The following ELAPOR1 variants were observed in gnomAD, a reference collection of about 807,000 sequenced individuals.
ELAPOR1 encodes the protein endosome/lysosome-associated apoptosis and autophagy regulator 1.
ELAPOR1 carries 77 observed loss-of-function variants against 119.7 expected under a neutral mutation model. That is an observed-to-expected ratio of 0.64 (90% CI 0.54 to 0.78). The LOEUF is 0.78. Ranked by LOEUF, ELAPOR1 falls within the 30% of genes least tolerant of loss-of-function variation. The pLI is 0.00. For missense variants in ELAPOR1, 1,115 were observed against 1,270.4 expected, an observed-to-expected ratio of 0.88 and a Z score of 1.86; for synonymous variants, 481 against 487.2, an observed-to-expected ratio of 0.99 and a Z score of 0.17.
At chr1:109,133,409 G>C (rs558990996) in intron 1 of ELAPOR1, among the ~76,000 whole-genome samples, 3 of 152,146 alleles carry the variant, frequency 2.0e-5, no homozygotes, top group South Asian at 4.2e-4. Flanking sequence ...AAAAAACATG[G>C]GAAAATCATT....
intron 1 of ELAPOR1, among the ~76,000 whole-genome samples, chr1:109,148,905 A>G (rs1351917403): frequency 6.6e-6 from 1 of 152,192 alleles, no homozygotes; most frequent in Non-Finnish European, 1.5e-5. Context: ...TGGAATTTAT[A>G]AAGGGACATT....
Position 109,172,586 on chromosome 1 carries a change from C to A in ELAPOR1, c.696+18C>A. 4 of 1,594,752 alleles carry A rather than the reference C, an allele frequency of 2.5e-6. No homozygotes were observed. The highest frequency in any genetic ancestry group is 3.4e-6 in the Non-Finnish European group (4 of 1,163,232). Reference sequence around the variant, plus strand: ...TCCACAGTGTGAGTATCACACCAGCCTTCTCCCAGAGATCCCAGAAAAGGG... The same window carrying A: ...TCCACAGTGTGAGTATCACACCAGCATTCTCCCAGAGATCCCAGAAAAGGG... On this transcript the variant is annotated intron_variant, in intron 5 of 21. Transcript: ENST00000369939.
intron 15 of ELAPOR1, 41 bp downstream of exon 15, chr1:109,194,635 A>C (rs767667846): frequency 6.3e-7 from 1 of 1,579,282 alleles, no homozygotes; most frequent in Non-Finnish European, 8.7e-7. Flanking sequence ...TGAATGGGGG[A>C]GGCCCATGGA....
chr1:109,164,458 GTGACCTCAC>G, intron 2 of ELAPOR1, 32 bp from the exon 3 acceptor site: 1 of 1,565,118 alleles, frequency 6.4e-7, no homozygotes, highest in Non-Finnish European at 8.7e-7. Context: ...TGGGGCTGCA[GTGACCTCAC>G]TGCCCCACCT....
intron 7 of ELAPOR1, among the ~76,000 whole-genome samples, chr1:109,176,213 G>A (rs760278101): frequency 1.1e-4 from 17 of 152,224 alleles, no homozygotes; most frequent in African/African-American, 3.4e-4. Flanking sequence ...AGGGGGTATC[G>A]AGGCTCTGAT....
chr1:109,172,712 C>G (rs1355555811), intron 5 of ELAPOR1, 144 bp downstream of exon 5: 2 of 652,204 alleles, frequency 3.1e-6, no homozygotes, highest in Non-Finnish European at 5.5e-6. Flanking sequence ...GCTGTAGTTA[C>G]TGTCCTCTAG....
Position 109,200,145 on chromosome 1 carries a change from A to G in ELAPOR1, c.2715A>G (p.Ile905Met), listed in dbSNP as rs753334186. The G allele has an allele frequency of 6.2e-7, 1 of 1,614,176 alleles. No homozygotes were observed. The highest frequency in any genetic ancestry group is 1.1e-5 in the South Asian group (1 of 91,082). ...PEQRVTICKT[I>M]DFWLKVGISA... is the part of the protein sequence containing the mutation. ...AGAGAGTCACCATCTGCAAAACCAT[A>G]GATTTCTGGCTGAAAGTGGGCATCT... The change falls in exon 20 of 22, where the codon ATA becomes ATG. Residue 905 changes from isoleucine to methionine, a missense_variant. Coordinates refer to ENST00000369939, the MANE Select transcript of ELAPOR1 (RefSeq NM_020775.5).
chr1:109,114,358 A>T, intron 1 of ELAPOR1, 22 bp downstream of exon 1: 1 of 1,554,836 alleles, frequency 6.4e-7, no homozygotes, highest in South Asian at 1.2e-5. Flanking sequence ...CCCCTACCCG[A>T]TCCCGCTTTG....
At chr1:109,171,072 G>A (rs774980703) in intron 3 of ELAPOR1, among the ~76,000 whole-genome samples, 3 of 152,150 alleles carry the variant, frequency 2.0e-5, no homozygotes, top group Admixed American at 6.5e-5. Flanking sequence ...CAGCTTTAGA[G>A]TTTGGCAGAC....
At chr1:109,117,933 C>G (rs1167274811) in intron 1 of ELAPOR1, among the ~76,000 whole-genome samples, 2 of 152,014 alleles carry the variant, frequency 1.3e-5, no homozygotes, top group African/African-American at 4.8e-5. Flanking sequence ...AGTTCAAAAC[C>G]AGCCTGGCCA....
chr1:109,189,220 G>A (rs767202170), intron 10 of ELAPOR1, 26 bp downstream of exon 10: 131 of 1,608,790 alleles, frequency 8.1e-5, no homozygotes, highest in Admixed American at 8.4e-5. Flanking sequence ...TGTGCCATGA[G>A]CTGTCAGCTC....
chr1:109,155,342 AT>A (rs1246045275), intron 1 of ELAPOR1, among the ~76,000 whole-genome samples: 1 of 151,750 alleles, frequency 6.6e-6, no homozygotes, highest in African/African-American at 2.4e-5. Flanking sequence ...CGCCCGGCTA[AT>A]TTTTTTCTGT....
chr1:109,165,833 C>G (rs1023094350), intron 3 of ELAPOR1, among the ~76,000 whole-genome samples: 18 of 151,436 alleles, frequency 1.2e-4, no homozygotes, highest in African/African-American at 4.4e-4. Flanking sequence ...CAAGCCCCAG[C>G]TCCCAGGTTC....
At chr1:109,190,709 C>T (rs1457556596) in intron 11 of ELAPOR1, among the ~76,000 whole-genome samples, 2 of 152,104 alleles carry the variant, frequency 1.3e-5, no homozygotes, top group African/African-American at 2.4e-5. Flanking sequence ...CAAATCTGAT[C>T]GTCATAGTAA....
Position 109,194,600 on chromosome 1 carries a change from G to GT in ELAPOR1, c.2121+7dup. 2 of 1,613,052 alleles carry GT rather than the reference G, an allele frequency of 1.2e-6. No homozygotes were observed. The highest frequency in any genetic ancestry group is 1.7e-6 in the Non-Finnish European group (2 of 1,179,018). ...TCAGTCTCTGTGGAAACCAGGTAAGGTATACCAGTTGACAGGGTGAAAATT... is the reference window on the plus strand; with the variant it reads ...TCAGTCTCTGTGGAAACCAGGTAAGGTTATACCAGTTGACAGGGTGAAAATT... On this transcript the variant is annotated splice_region_variant and intron_variant, in intron 15 of 21. Transcript: ENST00000369939.
intron 1 of ELAPOR1, among the ~76,000 whole-genome samples, chr1:109,132,888 G>A (rs755360471): frequency 3.0e-4 from 46 of 152,204 alleles, no homozygotes; most frequent in African/African-American, 7.7e-4. Context: ...AAATACCTCC[G>A]TCAAAATAGT....
chr1:109,205,920 TATTACAC>T lies in ELAPOR1; in HGVS notation c.*2910_*2916del, dbSNP rs991093373. 6.6e-6 allele frequency: 1 copy of T among 152,234 alleles called. No individual in the cohort carries two copies. The highest frequency in any genetic ancestry group is 1.5e-5 in the Non-Finnish European group (1 of 68,046). 9.4% of individuals were successfully genotyped at this position (152,234 alleles called of 1,614,324 possible). On this transcript the variant is annotated 3_prime_UTR_variant, in exon 22 of 22. Transcript: ENST00000369939. ...CAGCTTTATTGAGATATAATTCACA[TATTACAC>T]AATTCACCTTTAAAACATACGATTC...
intron 1 of ELAPOR1, among the ~76,000 whole-genome samples, chr1:109,159,142 C>T (rs1055843680): frequency 1.3e-5 from 2 of 152,176 alleles, no homozygotes; most frequent in African/African-American, 2.4e-5. Context: ...GATCCACCCA[C>T]CTTGGCCTCC....
intron 2 of ELAPOR1, among the ~76,000 whole-genome samples, chr1:109,162,547 C>T (rs1185338885): frequency 6.6e-6 from 1 of 152,178 alleles, no homozygotes; most frequent in Admixed American, 6.5e-5. Flanking sequence ...GCCCCAGCAC[C>T]CGCCTCTGTG....
Sources: allele counts gnomAD v4.1 joint callset (sites outside exome capture counted in the v4.1 genomes callset), GRCh38; gene constraint gnomAD v4.1.1; transcripts MANE v1.5; gene names NCBI Gene and HGNC (gene_info 2026-07-23, HGNC 2026-07-21).